SLC3A2: variants seen among roughly 807,000 people sequenced by gnomAD.
SLC3A2 encodes the protein amino acid transporter heavy chain SLC3A2.
A neutral mutation model predicts 48.5 loss-of-function variants in SLC3A2; 32 were observed. That is an observed-to-expected ratio of 0.66 (90% confidence interval 0.50 to 0.89). SLC3A2 has a LOEUF of 0.89. Ranked by LOEUF, SLC3A2 falls within the 40% of genes least tolerant of loss-of-function variation. The pLI is 0.00. For missense variants in SLC3A2, 587 were observed against 680.7 expected (o/e 0.86, Z 1.53); for synonymous variants, 277 against 288.8 (o/e 0.96, Z 0.41).
At chr11:62,872,901 C>T (rs949244829) in intron 1 of SLC3A2, among the ~76,000 whole-genome samples, 2 of 152,178 alleles carry the variant, frequency 1.3e-5, no homozygotes, top group Non-Finnish European at 2.9e-5. Context: ...TGTGCCTGGC[C>T]TAACCAATTT....
Position 62,884,495 on chromosome 11 carries a change from G to C in SLC3A2, c.729G>C (p.Gly243=). 1 of 1,614,172 alleles carries C rather than the reference G, an allele frequency of 6.2e-7. No homozygotes were observed. Residue 243 remains glycine, a synonymous_variant, in exon 4 of 9, where the codon GGG becomes GGC. Transcript: ENST00000338663. ...LEFWLQAGVD[G]FQVRDIENLK... is the part of the protein sequence containing the mutation. ...TTTGGCTGCAAGCTGGCGTGGATGG[G>C]TTCCAGGTTCGGGACATAGAGAATC...
chr11:62,882,326 C>A, intron 2 of SLC3A2: 1 of 444,810 alleles, frequency 2.2e-6, no homozygotes. Context: ...ATTTACTAAA[C>A]CAGTGGTTTT....
At chr11:62,887,827 CTG>C (rs1420724278) in intron 7 of SLC3A2, 3 of 229,100 alleles carry the variant, frequency 1.3e-5, no homozygotes, top group African/African-American at 2.3e-5. Context: ...GGGTCTCACT[CTG>C]TTGCCCAGGC....
chr11:62,868,365 CTTT>C (rs1184700101), intron 1 of SLC3A2, among the ~76,000 whole-genome samples: 2 of 132,684 alleles, frequency 1.5e-5, no homozygotes, highest in Non-Finnish European at 1.6e-5. Context: ...TATTTTCATT[CTTT>C]TTTTTTTTTT....
rs2085681766 is a variant in SLC3A2 at position 62,884,520 on chromosome 11, C to T, written c.754C>T (p.Leu252=). 3.1e-6 allele frequency: 5 copies of T among 1,614,096 alleles called. No individual in the cohort carries two copies. Among genetic ancestry groups the T allele is most frequent in the Non-Finnish European group, 4.2e-6 (5 of 1,180,036 alleles). Residue 252 remains leucine (L), a synonymous_variant, in exon 4 of 9, where the codon CTG becomes TTG. Transcript: ENST00000338663. ...DGFQVRDIEN[L]KDASSFLAEW... is the part of the protein sequence containing the mutation. ...GTTCCAGGTTCGGGACATAGAGAAT[C>T]TGAAGGTGAGTTCCCTTTCCACATT...
upstream of SLC3A2, chr11:62,856,118 C>A: frequency 1.7e-6 from 1 of 595,444 alleles, no homozygotes; most frequent in Middle Eastern, 4.8e-4. Context: ...CGCATTGCGG[C>A]TTGGTTTTCT....
chr11:62,858,443 G>T (rs967630838), intron 1 of SLC3A2, among the ~76,000 whole-genome samples: 1 of 152,154 alleles, frequency 6.6e-6, no homozygotes, highest in East Asian at 1.9e-4. Context: ...TTGGCCGGGC[G>T]TGGTGGCTCA....
At chr11:62,879,732 C>T (rs1171647459), upstream of SLC3A2, among the ~76,000 whole-genome samples, 1 of 152,258 alleles carries the variant, frequency 6.6e-6, no homozygotes, top group Non-Finnish European at 1.5e-5. Context: ...CCGATTTCCT[C>T]CAGCTCCTCT....
Position 62,881,906 on chromosome 11 carries a change from TCTCGATTACCTGAG to T in SLC3A2, c.442_455del (p.Asp148SerfsTer18), listed in dbSNP as rs1192914422. The T allele has an allele frequency of 6.2e-7, 1 of 1,613,924 alleles. No homozygotes were observed. The highest frequency in any genetic ancestry group is 8.5e-7 in the Non-Finnish European group (1 of 1,179,982). On this transcript the variant is annotated frameshift_variant, in exon 2 of 9. Transcript: ENST00000338663. LOFTEE classifies it high-confidence loss of function. The surrounding 1 kb of genome is among the most constrained non-coding windows in gnomAD (Gnocchi z 4.0). ...CCCCCATTTCAGGTCTGAAGGGGCGTCTCGATTACCTGAGCTCTCTGAAGGTGAAGGGCCTTGTG... is the reference window on the plus strand; with the variant it reads ...CCCCCATTTCAGGTCTGAAGGGGCGTCTCTCTGAAGGTGAAGGGCCTTGTG...
chr11:62,856,340 C>G, exon 1 of SLC3A2: 1 of 1,613,312 alleles, frequency 6.2e-7, no homozygotes, highest in Non-Finnish European at 8.5e-7. Context: ...GGCTCACATT[C>G]GGAGGCTGGT....
intron 1 of SLC3A2, among the ~76,000 whole-genome samples, chr11:62,862,275 G>A (rs377738620): frequency 3.1e-5 from 4 of 128,920 alleles, no homozygotes; most frequent in African/African-American, 8.8e-5. Context: ...TCATCGCAAC[G>A]ATGAGCTGAG....
At chr11:62,884,393 C>A in intron 3 of SLC3A2, 64 bp from the exon 4 acceptor site, 1 of 1,579,432 alleles carries the variant, frequency 6.3e-7, no homozygotes, top group East Asian at 2.2e-5. Context: ...TTAGTGTGGG[C>A]TGGAATTTTC....
chr11:62,860,649 T>G (rs1221577708), intron 1 of SLC3A2, among the ~76,000 whole-genome samples: 1 of 152,112 alleles, frequency 6.6e-6, no homozygotes, highest in Non-Finnish European at 1.5e-5. Flanking sequence ...CTAATCCTTC[T>G]CAGCACAGAC....
chr11:62,878,632 A>ATT (rs1048433687), upstream of SLC3A2, among the ~76,000 whole-genome samples: 25 of 113,016 alleles, frequency 2.2e-4, no homozygotes, highest in Non-Finnish European at 3.0e-4. Flanking sequence ...CGCCTGGCTG[A>ATT]TTTTTTTTTT....
At chr11:62,856,111 A>T, upstream of SLC3A2, 1 of 579,530 alleles carries the variant, frequency 1.7e-6, no homozygotes, top group Non-Finnish European at 3.0e-6. Flanking sequence ...CACCGACCGC[A>T]TTGCGGCTTG....
Position 62,881,965 on chromosome 11 carries a change from A to G in SLC3A2, c.497A>G (p.Asn166Ser). 6.2e-7 allele frequency: 1 copy of G among 1,614,190 alleles called. No homozygotes were observed. The highest frequency in any genetic ancestry group is 8.5e-7 in the Non-Finnish European group (1 of 1,180,034). ...KGLVLGPIHKNQKDDVAQTDL... is the reference protein window; with the variant it reads ...KGLVLGPIHKSQKDDVAQTDL... ...CTTGTGCTGGGTCCAATTCACAAGA[A>G]CCAGAAGGATGATGTCGCTCAGACT... Residue 166 changes from asparagine to serine, a missense_variant, in exon 2 of 9, where the codon AAC becomes AGC. Asn to Ser is a conservative substitution (Grantham distance 46). Transcript: ENST00000338663. This position sits in a 1 kb window ranked among gnomAD's most constrained non-coding sequence, Gnocchi z 4.0.
At chr11:62,885,079 C>CCT (rs1375677992) in intron 5 of SLC3A2, 98 bp from the exon 6 acceptor site, 2 of 1,349,338 alleles carry the variant, frequency 1.5e-6, no homozygotes, top group African/African-American at 2.9e-5. Context: ...GATCCACCCG[C>CCT]CTCAGCCTCC....
At chr11:62,868,188 C>CT (rs1185808271) in intron 1 of SLC3A2, among the ~76,000 whole-genome samples, 5 of 152,058 alleles carry the variant, frequency 3.3e-5, no homozygotes, top group African/African-American at 1.2e-4. Flanking sequence ...TCCCAAAGTG[C>CT]TAGGATTACA....
intron 1 of SLC3A2, among the ~76,000 whole-genome samples, chr11:62,866,957 T>A (rs745494233): frequency 9.2e-5 from 14 of 152,180 alleles, no homozygotes; most frequent in Non-Finnish European, 2.1e-4. Context: ...GAAAAAACTT[T>A]AAGGTGAATC....
Sources: allele counts gnomAD v4.1 joint callset (sites outside exome capture counted in the v4.1 genomes callset), GRCh38; gene constraint gnomAD v4.1.1; non-coding constraint Gnocchi (gnomAD v3.1); transcripts MANE v1.5; gene names NCBI Gene and HGNC (gene_info 2026-07-23, HGNC 2026-07-21).